The following SGCZ variants were observed in gnomAD, a reference collection of about 807,000 sequenced individuals.
The protein encoded by SGCZ is zeta-sarcoglycan.
Under a neutral mutation model 41.3 loss-of-function variants are expected in SGCZ, and 40 were observed. That is an observed-to-expected ratio of 0.97 (90% CI 0.75 to 1.26). The LOEUF is 1.26. Among genes scored for constraint, SGCZ ranks in the 50% most tolerant of loss-of-function variants. SGCZ has a pLI of 0.00. For missense variants in SGCZ, 552 were observed against 369.8 expected, an observed-to-expected ratio of 1.49 and a Z score of -4.04; for synonymous variants, 206 against 137.5, an observed-to-expected ratio of 1.50 and a Z score of -3.49.
chr8:14,197,666 T>TGA (rs1394013400), intron 4 of SGCZ, among the ~76,000 whole-genome samples: 1 of 152,088 alleles, frequency 6.6e-6, no homozygotes, highest in East Asian at 1.9e-4. Flanking sequence ...TTCCTCTACC[T>TGA]TATAAAGGGC....
At chr8:14,693,676 C>T (rs1162994569) in intron 1 of SGCZ, among the ~76,000 whole-genome samples, 5 of 150,286 alleles carry the variant, frequency 3.3e-5, no homozygotes, top group South Asian at 2.1e-4. Flanking sequence ...CTGCAAGCTC[C>T]GCCTCCCGGG....
intron 1 of SGCZ, among the ~76,000 whole-genome samples, chr8:14,666,060 C>A (rs748237903): frequency 2.0e-5 from 3 of 152,162 alleles, no homozygotes; most frequent in African/African-American, 4.8e-5. Context: ...ATTCTGGCAA[C>A]TGAGCAAACA....
intron 5 of SGCZ, among the ~76,000 whole-genome samples, chr8:14,154,997 G>A (rs1803833619): frequency 6.6e-6 from 1 of 152,144 alleles, no homozygotes. Context: ...GAAATTGCAG[G>A]TTGCGAGCAA....
chr8:14,164,963 C>A (rs1248262314), intron 4 of SGCZ: 19 of 359,756 alleles, frequency 5.3e-5, no homozygotes, highest in Non-Finnish European at 1.6e-5. Context: ...GTTAAGAGCC[C>A]TTCACATATC....
rs78705865 is a variant in SGCZ at position 14,959,825 on chromosome 8, A to C, written c.39+277760T>G. Among the ~76,000 whole-genome samples the C allele has an allele frequency of 1.6e-4, 25 of 152,304 alleles. No individual in the cohort carries two copies. The East Asian group carries it at 4.8e-3, about 29-fold the overall frequency. ...TCTTTAGTCCAAATATACAGTCACT[A>C]TCTTGTTTTTAGAAAAAGGACAATG... is the stretch of plus-strand genomic sequence containing the variant. On this transcript the variant is annotated intron_variant, in intron 1 of 7. Coordinates refer to ENST00000382080, the MANE Select transcript of SGCZ (RefSeq NM_139167.4).
chr8:14,783,182 C>G (rs1173555219), intron 1 of SGCZ, among the ~76,000 whole-genome samples: 3 of 152,008 alleles, frequency 2.0e-5, no homozygotes, highest in Non-Finnish European at 2.9e-5. Flanking sequence ...GCATGTAATA[C>G]CAACACTTTG....
intron 4 of SGCZ, among the ~76,000 whole-genome samples, chr8:14,207,538 T>C (rs7830698): frequency 0.76 from 114,958 of 151,992 alleles, 44,581 homozygotes; most frequent in African/African-American, 0.92. Context: ...TAGTTTTCTA[T>C]ATTTAAAGCT....
At chr8:15,221,909 C>A (rs960857783) in intron 1 of SGCZ, among the ~76,000 whole-genome samples, 2 of 152,180 alleles carry the variant, frequency 1.3e-5, no homozygotes, top group African/African-American at 4.8e-5. Flanking sequence ...CTGCAGGAAT[C>A]TGAATGGCCC....
At chr8:14,274,017 T>C (rs1004696034) in intron 3 of SGCZ, among the ~76,000 whole-genome samples, 2 of 152,112 alleles carry the variant, frequency 1.3e-5, no homozygotes, top group Non-Finnish European at 2.9e-5. Flanking sequence ...TTGTTAGAAA[T>C]AGGCTTCAGT....
intron 1 of SGCZ, among the ~76,000 whole-genome samples, chr8:14,728,645 C>G (rs73529264): frequency 0.07 from 10,604 of 152,012 alleles, 813 homozygotes; most frequent in African/African-American, 0.19. Flanking sequence ...TGAAAATTGA[C>G]ACAAAAAATA....
chr8:14,726,735 C>G (rs540618780), intron 1 of SGCZ, among the ~76,000 whole-genome samples: 1 of 151,986 alleles, frequency 6.6e-6, no homozygotes, highest in Non-Finnish European at 1.5e-5. Context: ...AACATACAAA[C>G]CTGCAACAAT....
At chr8:14,719,385 G>C (rs547548534) in intron 1 of SGCZ, among the ~76,000 whole-genome samples, 2 of 150,008 alleles carry the variant, frequency 1.3e-5, no homozygotes, top group Non-Finnish European at 3.0e-5. Context: ...GGGATGGCTG[G>C]GTCAAATGGT....
intron 2 of SGCZ, among the ~76,000 whole-genome samples, chr8:14,531,789 C>A (rs1226860015): frequency 6.6e-6 from 1 of 152,008 alleles, no homozygotes; most frequent in African/African-American, 2.4e-5. Flanking sequence ...CTAAGACCAT[C>A]CACTAGGAAT....
intron 1 of SGCZ, among the ~76,000 whole-genome samples, chr8:14,637,952 T>A (rs1806888465): frequency 6.6e-6 from 1 of 151,902 alleles, no homozygotes; most frequent in African/African-American, 2.4e-5. Context: ...AGTGTTCTGT[T>A]TTCTCCACAG....
At chr8:14,361,547 T>A (rs997711506) in intron 2 of SGCZ, among the ~76,000 whole-genome samples, 1 of 152,190 alleles carries the variant, frequency 6.6e-6, no homozygotes, top group Admixed American at 6.5e-5. Flanking sequence ...TTTAAGCTCT[T>A]CTCTACACTG....
At chr8:14,244,719 C>G (rs989496936) in intron 3 of SGCZ, among the ~76,000 whole-genome samples, 3 of 151,856 alleles carry the variant, frequency 2.0e-5, no homozygotes, top group African/African-American at 7.3e-5. Flanking sequence ...TTCTTCCTAC[C>G]CATGAGCATG....
chr8:14,767,767 T>TA (rs1800088064), intron 1 of SGCZ, among the ~76,000 whole-genome samples: 2 of 152,322 alleles, frequency 1.3e-5, no homozygotes, highest in South Asian at 4.1e-4. Flanking sequence ...GACACCTCTG[T>TA]ACGCCTTTCA....
chr8:14,572,085 T>G (rs989303368), intron 1 of SGCZ, among the ~76,000 whole-genome samples: 5 of 152,190 alleles, frequency 3.3e-5, no homozygotes, highest in Admixed American at 6.5e-5. Context: ...TTAAAAGCAC[T>G]TATTCATTAA....
chr8:14,807,843 A>G (rs558862998), intron 1 of SGCZ, among the ~76,000 whole-genome samples: 52 of 152,342 alleles, frequency 3.4e-4, no homozygotes, highest in African/African-American at 1.1e-3. Flanking sequence ...CTACAAGGCT[A>G]CAGTAACCAA....
Sources: allele counts gnomAD v4.1 joint callset (sites outside exome capture counted in the v4.1 genomes callset), GRCh38; gene constraint gnomAD v4.1.1; transcripts MANE v1.5; gene names NCBI Gene and HGNC (gene_info 2026-07-23, HGNC 2026-07-21).